ABTB3: variants seen among roughly 807,000 people sequenced by gnomAD.
ABTB3 encodes the protein ankyrin repeat- and BTB/POZ domain-containing protein 3.
the ABTB3 span, among the ~76,000 whole-genome samples, chr12:107,527,535 G>T: frequency 2.0e-5 from 3 of 151,796 alleles, no homozygotes; most frequent in Non-Finnish European, 4.4e-5. Context: ...GCCTCCCAAA[G>T]TGCTGGGATT....
chr12:107,409,138 G>A, the ABTB3 span, among the ~76,000 whole-genome samples: 14 of 152,086 alleles, frequency 9.2e-5, no homozygotes, highest in African/African-American at 3.1e-4. Flanking sequence ...GTTTCTCTCC[G>A]TCTCTCTTTC....
chr12:107,339,551 T>A, the ABTB3 span, among the ~76,000 whole-genome samples: 1 of 152,046 alleles, frequency 6.6e-6, no homozygotes, highest in East Asian at 1.9e-4. Context: ...AAAGGAGAAG[T>A]GGGAGGTTAT....
the ABTB3 span, among the ~76,000 whole-genome samples, chr12:107,525,606 G>A: frequency 2.7e-4 from 41 of 152,206 alleles, no homozygotes; most frequent in African/African-American, 7.2e-4. Flanking sequence ...CAATGAAATC[G>A]TCTAAGGACA....
chr12:107,479,403 T>C, the ABTB3 span, among the ~76,000 whole-genome samples: 1 of 151,872 alleles, frequency 6.6e-6, no homozygotes, highest in Non-Finnish European at 1.5e-5. Context: ...CTCAGGTGAA[T>C]TATCTGCCCT....
chr12:107,621,780 CT>C, the ABTB3 span, among the ~76,000 whole-genome samples: 2 of 152,218 alleles, frequency 1.3e-5, no homozygotes, highest in Non-Finnish European at 2.9e-5. Flanking sequence ...TAACACCACA[CT>C]TTGTTTTGCC....
the ABTB3 span, among the ~76,000 whole-genome samples, chr12:107,456,483 C>T: frequency 1.3e-5 from 2 of 152,154 alleles, no homozygotes; most frequent in African/African-American, 4.8e-5. Flanking sequence ...GAATCTAATG[C>T]CTGGTGATCT....
the ABTB3 span, among the ~76,000 whole-genome samples, chr12:107,508,447 T>TG: frequency 3.7e-5 from 4 of 107,306 alleles, no homozygotes; most frequent in African/African-American, 1.7e-4. Flanking sequence ...TCTTTTTTTT[T>TG]TTTTTTTTTT....
chr12:107,319,508 A>G, the ABTB3 span: 1 of 1,583,392 alleles, frequency 6.3e-7, no homozygotes, highest in Non-Finnish European at 8.6e-7. Context: ...GTCCCTCTAC[A>G]ACATGAGCAG....
the ABTB3 span, among the ~76,000 whole-genome samples, chr12:107,553,815 C>CTG: frequency 1.3e-5 from 2 of 152,174 alleles, no homozygotes; most frequent in African/African-American, 4.8e-5. Flanking sequence ...TGGCACATGC[C>CTG]TGTAGTCCCA....
chr12:107,656,626 G>A, the ABTB3 span, among the ~76,000 whole-genome samples: 2 of 152,228 alleles, frequency 1.3e-5, no homozygotes, highest in African/African-American at 4.8e-5. Context: ...ATAGGCCAGA[G>A]GCTAATATAC....
At chr12:107,641,649 G>A in the ABTB3 span, among the ~76,000 whole-genome samples, 4 of 152,194 alleles carry the variant, frequency 2.6e-5, no homozygotes, top group Non-Finnish European at 5.9e-5. Context: ...TTCATACTGG[G>A]ACAGGATGTG....
the ABTB3 span, chr12:107,319,358 C>G: frequency 6.4e-7 from 1 of 1,562,634 alleles, no homozygotes; most frequent in East Asian, 2.4e-5. Context: ...GAGCCGGGCG[C>G]TGGTGCGCAT....
chr12:107,429,055 G>A, the ABTB3 span, among the ~76,000 whole-genome samples: 1 of 152,246 alleles, frequency 6.6e-6, no homozygotes, highest in Admixed American at 6.5e-5. Flanking sequence ...AGGAAAGGAA[G>A]CATCCTTAAA....
At chr12:107,458,949 T>C in the ABTB3 span, among the ~76,000 whole-genome samples, 12 of 152,202 alleles carry the variant, frequency 7.9e-5, no homozygotes, top group Admixed American at 6.5e-5. Flanking sequence ...CTTGAAACTC[T>C]AAGGCCTTTG....
chr12:107,432,896 T>C, the ABTB3 span, among the ~76,000 whole-genome samples: 1 of 152,168 alleles, frequency 6.6e-6, no homozygotes, highest in Non-Finnish European at 1.5e-5. Flanking sequence ...CGAGATTGTG[T>C]TGTGAAAAGC....
the ABTB3 span, chr12:107,617,559 C>T: frequency 7.6e-7 from 1 of 1,323,350 alleles, no homozygotes; most frequent in Non-Finnish European, 1.0e-6. Context: ...GTGAAGTGGT[C>T]CAGGCCCCAG....
At chr12:107,444,998 G>A in the ABTB3 span, among the ~76,000 whole-genome samples, 2 of 152,166 alleles carry the variant, frequency 1.3e-5, no homozygotes, top group African/African-American at 2.4e-5. Context: ...GCTGAGGCAG[G>A]GCTGCAGACC....
the ABTB3 span, among the ~76,000 whole-genome samples, chr12:107,336,920 G>A: frequency 6.6e-6 from 1 of 152,324 alleles, no homozygotes; most frequent in South Asian, 2.1e-4. Flanking sequence ...GGCAAATCCA[G>A]AGCTTGTTGC....
At chr12:107,351,078 G>T in the ABTB3 span, among the ~76,000 whole-genome samples, 1 of 152,280 alleles carries the variant, frequency 6.6e-6, no homozygotes, top group South Asian at 2.1e-4. Context: ...AGGATGAAAG[G>T]GGTCCTACAA....
Sources: allele counts gnomAD v4.1 joint callset (sites outside exome capture counted in the v4.1 genomes callset), GRCh38; gene constraint gnomAD v4.1.1; transcripts MANE v1.5; gene names NCBI Gene and HGNC (gene_info 2026-07-23, HGNC 2026-07-21).